Variants in MTA3 observed in about 807,000 individuals in gnomAD.
MTA3 encodes the protein metastasis-associated protein MTA3.
In MTA3, 34 loss-of-function variants were observed where a neutral mutation model predicts 83.5. That is an observed-to-expected ratio of 0.41 (90% CI 0.31 to 0.54). MTA3 has a LOEUF of 0.54. Ranked by LOEUF, MTA3 falls within the 20% of genes least tolerant of loss-of-function variation. MTA3 has a pLI of 0.33. For missense variants in MTA3, 761 were observed against 726.4 expected (o/e 1.05, Z -0.55); for synonymous variants, 303 against 252.7 (o/e 1.20, Z -1.89).
rs552616537 is a variant in MTA3 at position 42,756,310 on chromosome 2, G to A, written c.*2911G>A. ...ACATTTCCCCAGGCAGAGAGAGGGGGCCCCAGCCTCTCCCCTCCTCTTGGC... is the reference window on the plus strand; with the variant it reads ...ACATTTCCCCAGGCAGAGAGAGGGGACCCCAGCCTCTCCCCTCCTCTTGGC... On this transcript the variant is annotated 3_prime_UTR_variant, in exon 17 of 17. Coordinates refer to ENST00000405094, the MANE Select transcript of MTA3 (RefSeq NM_001330442.2). 13 of 327,708 alleles carry A rather than the reference G, an allele frequency of 4.0e-5. No individual in the cohort carries two copies. In the Admixed American group the frequency reaches 5.8e-4, roughly 15 times the overall value. The allele number at this position is 327,708 out of a possible 1,614,324, so 20.3% of individuals were successfully genotyped here. A position where few individuals can be genotyped will look rare whatever the true frequency, so the allele number is the denominator to read the frequency against.
intron 6 of MTA3, among the ~76,000 whole-genome samples, chr2:42,647,978 T>A (rs1688373282): frequency 6.6e-6 from 1 of 152,146 alleles, no homozygotes. Context: ...GTGGCTGGGA[T>A]TACAGGTGCC....
rs555645342 is a variant in MTA3, at chr2:42,579,629, T to A, written c.190+429T>A. Among the ~76,000 whole-genome samples, 8 of 152,060 alleles carry A rather than the reference T, an allele frequency of 5.3e-5. No homozygotes were observed. In the East Asian group the frequency reaches 1.4e-3, roughly 26 times the overall value. ...TTTTAGGTTGTATCACATTCATTAA[T>A]TGGTGAAAATGTTGACATAGAAGCC... is the stretch of plus-strand genomic sequence containing the variant. On this transcript the variant is annotated intron_variant, in intron 3 of 16. Coordinates refer to ENST00000405094, the MANE Select transcript of MTA3 (RefSeq NM_001330442.2).
intron 16 of MTA3, among the ~76,000 whole-genome samples, chr2:42,742,521 T>C (rs1320855332): frequency 3.4e-4 from 51 of 152,186 alleles, no homozygotes; most frequent in Admixed American, 3.3e-3. Flanking sequence ...AGTTGGGGTA[T>C]AGGAACTATA....
At chr2:42,527,046 C>G (rs1351777729) in intron 2 of MTA3, among the ~76,000 whole-genome samples, 13 of 102,030 alleles carry the variant, frequency 1.3e-4, no homozygotes, top group African/African-American at 5.5e-4. Flanking sequence ...AAGCAAGACT[C>G]TGTCTCAAAA....
chr2:42,498,136 C>T (rs975157737), intron 2 of MTA3, among the ~76,000 whole-genome samples: 1 of 152,226 alleles, frequency 6.6e-6, no homozygotes, highest in Non-Finnish European at 1.5e-5. Context: ...ACTCTGTCTG[C>T]TTTAAAAAGC....
intron 2 of MTA3, among the ~76,000 whole-genome samples, chr2:42,499,919 T>G (rs535753653): frequency 1.3e-5 from 2 of 152,160 alleles, no homozygotes; most frequent in South Asian, 4.2e-4. Flanking sequence ...ATGTACAGTT[T>G]TTTGTATGTT....
intron 3 of MTA3, among the ~76,000 whole-genome samples, chr2:42,607,099 GA>G (rs1377743249): frequency 3.7e-3 from 46 of 12,430 alleles, no homozygotes; most frequent in African/African-American, 0.016. Flanking sequence ...GGTAGGGGTA[GA>G]GGTAGAGGTA....
chr2:42,680,013 C>G (rs990289223), intron 8 of MTA3: 2 of 152,250 alleles, frequency 1.3e-5, no homozygotes, highest in Non-Finnish European at 1.5e-5. Context: ...ACAAACTATT[C>G]AAGTTATACA....
Position 42,592,598 on chromosome 2 carries a change from T to C in MTA3, c.190+13398T>C, listed in dbSNP as rs371932900. Among the ~76,000 whole-genome samples, 18 of 152,264 alleles carry C rather than the reference T, an allele frequency of 1.2e-4. 1 individual carries two copies. Among genetic ancestry groups the C allele is most frequent in the African/African-American group, 4.3e-4 (18 of 41,554 alleles). The stretch of plus-strand genomic sequence containing the variant: ...GACCCTGTCTCAAAAAAATTCATTT[T>C]CACTTTTTAAACTTTTTTTATTAAC... On this transcript the variant is annotated intron_variant, in intron 3 of 16. Transcript: ENST00000405094.
At chr2:42,645,340 C>A (rs1688080084) in intron 6 of MTA3, among the ~76,000 whole-genome samples, 1 of 152,086 alleles carries the variant, frequency 6.6e-6, no homozygotes, top group African/African-American at 2.4e-5. Flanking sequence ...GCCTGGCCAA[C>A]ATGGTGAAAT....
rs867455635 is a variant in MTA3, at chr2:42,585,982, C to T, written c.190+6782C>T. Among the ~76,000 whole-genome samples, 4 of 151,660 alleles carry T rather than the reference C, an allele frequency of 2.6e-5. No individual in the cohort carries two copies. In the South Asian group the frequency reaches 6.3e-4, roughly 24 times the overall value. On this transcript the variant is annotated intron_variant, in intron 3 of 16. Coordinates refer to ENST00000405094, the MANE Select transcript of MTA3 (RefSeq NM_001330442.2). ...ATAAACAAGATGAATAACTTCCTGACAAATAAAAAGAAAATTTAGGGCCAG... is the reference window on the plus strand; with the variant it reads ...ATAAACAAGATGAATAACTTCCTGATAAATAAAAAGAAAATTTAGGGCCAG...
intron 2 of MTA3, among the ~76,000 whole-genome samples, 171 bp from the exon 3 acceptor site, chr2:42,578,936 A>C (rs1679327534): frequency 6.6e-6 from 1 of 152,188 alleles, no homozygotes; most frequent in Non-Finnish European, 1.5e-5. Context: ...AAGCAGAACA[A>C]ATGTTGCTCA....
intron 4 of MTA3, among the ~76,000 whole-genome samples, chr2:42,612,361 T>G (rs1684332633): frequency 6.6e-6 from 1 of 152,002 alleles, no homozygotes; most frequent in Non-Finnish European, 1.5e-5. Flanking sequence ...ACTACAGGCT[T>G]GTGCCACCAT....
At chr2:42,549,739 AT>A (rs1373175319) in intron 2 of MTA3, among the ~76,000 whole-genome samples, 2 of 138,102 alleles carry the variant, frequency 1.4e-5, no homozygotes, top group African/African-American at 5.4e-5. Flanking sequence ...ATATATGTAT[AT>A]AATGGAAAAT....
chr2:42,549,602 A>C (rs1285456325), intron 2 of MTA3, among the ~76,000 whole-genome samples: 1 of 119,568 alleles, frequency 8.4e-6, no homozygotes, highest in African/African-American at 3.5e-5. Flanking sequence ...ATACATATAC[A>C]TATATAATAT....
chr2:42,574,653 G>T (rs187405738), intron 2 of MTA3, among the ~76,000 whole-genome samples: 2 of 149,824 alleles, frequency 1.3e-5, no homozygotes, highest in Non-Finnish European at 3.0e-5. Context: ...TGGCCAGGCT[G>T]GTCATCAAGT....
intron 8 of MTA3, among the ~76,000 whole-genome samples, chr2:42,666,008 T>G (rs557446141): frequency 6.6e-6 from 1 of 152,324 alleles, no homozygotes; most frequent in African/African-American, 2.4e-5. Flanking sequence ...CCAGGTGCCG[T>G]GGCTCACGCC....
intron 2 of MTA3, among the ~76,000 whole-genome samples, chr2:42,539,951 C>T (rs1676446341): frequency 6.6e-6 from 1 of 152,110 alleles, no homozygotes; most frequent in Non-Finnish European, 1.5e-5. Flanking sequence ...ACATATCTCT[C>T]TTCCTGCTGT....
Position 42,695,859 on chromosome 2 carries a change from T to C in MTA3, c.966+20T>C, listed in dbSNP as rs546043762. The C allele has an allele frequency of 3.0e-5, 43 of 1,442,908 alleles. No individual in the cohort carries two copies. Among genetic ancestry groups the C allele is most frequent in the South Asian group, 2.3e-4 (18 of 77,914 alleles). 89.4% of individuals were successfully genotyped at this position (1,442,908 alleles called of 1,614,324 possible). A position where few individuals can be genotyped will look rare whatever the true frequency, so the allele number is the denominator to read the frequency against. ...CAACAGGTAATTTTTTTCATATTGCTACCAATATGGTTGCATTTAAGTGAA... is the reference window on the plus strand; with the variant it reads ...CAACAGGTAATTTTTTTCATATTGCCACCAATATGGTTGCATTTAAGTGAA... On this transcript the variant is annotated intron_variant, in intron 10 of 16. Transcript: ENST00000405094.
Sources: gnomAD v4.1 joint callset for allele counts (sites outside exome capture counted in the v4.1 genomes callset) on GRCh38, gnomAD v4.1.1 for gene constraint, MANE v1.5 for transcripts, NCBI Gene and HGNC (gene_info 2026-07-23, HGNC 2026-07-21) for gene names.